RAB23: variants seen among roughly 807,000 people sequenced by gnomAD.
RAB23 encodes RAB23, member RAS oncogene family, also known as ras-related protein Rab-23.
Under a neutral mutation model 30.0 loss-of-function variants are expected in RAB23, and 15 were observed. The ratio of observed to expected loss-of-function variants is 0.50; its 90% CI spans 0.33 to 0.77. RAB23 has a LOEUF of 0.77. Among genes scored for constraint, RAB23 ranks in the 30% least tolerant of loss-of-function variants. The pLI is 0.02. For missense variants in RAB23, 243 were observed against 275.4 expected (o/e 0.88, Z 0.83); for synonymous variants, 93 against 94.0 (o/e 0.99, Z 0.06).
At chr6:57,194,724 G>A in intron 5 of RAB23, 46 bp downstream of exon 5, 1 of 1,360,828 alleles carries the variant, frequency 7.3e-7, no homozygotes, top group East Asian at 2.3e-5. Flanking sequence ...AAAAGCGCAA[G>A]AATAAAATTT....
In RAB23 at chr6:57,196,440, G is replaced by C. The variant is rs897972213; in HGVS notation, c.398+10C>G. On this transcript the variant is annotated intron_variant, in intron 4 of 6. Transcript: ENST00000468148. ...TACTGTCCCTCCTTCCCCAAAAGTA[G>C]CCATCTTACTTCTTTATACAAGAAT... The C allele has an allele frequency of 1.2e-6, 2 of 1,613,662 alleles. No individual in the cohort carries two copies. The highest frequency in any genetic ancestry group is 1.3e-5 in the African/African-American group (1 of 74,904).
chr6:57,208,553 G>A (rs1765529210), intron 2 of RAB23, among the ~76,000 whole-genome samples: 1 of 149,280 alleles, frequency 6.7e-6, no homozygotes, highest in South Asian at 2.1e-4. Context: ...AGGCTGAGAT[G>A]GGAGAATCGC....
At chr6:57,215,574 A>G (rs1562661059) in intron 1 of RAB23, among the ~76,000 whole-genome samples, 1 of 152,358 alleles carries the variant, frequency 6.6e-6, no homozygotes, top group East Asian at 1.9e-4. Context: ...TGAAAAGGAA[A>G]TCAAGGTAAT....
intron 1 of RAB23, among the ~76,000 whole-genome samples, chr6:57,216,783 C>A (rs1765853877): frequency 6.6e-6 from 1 of 152,082 alleles, no homozygotes; most frequent in Non-Finnish European, 1.5e-5. Flanking sequence ...ATTCCCAGAA[C>A]TGAGGGTTCC....
Position 57,187,163 on chromosome 6 carries a change from T to C in RAB23, c.*3298A>G, listed in dbSNP as rs1170431413. 1 of 152,170 alleles carries C rather than the reference T, an allele frequency of 6.6e-6. No homozygotes were observed. Among genetic ancestry groups the C allele is most frequent in the South Asian group, 2.1e-4 (1 of 4,830 alleles). The allele number at this position is 152,170 out of a possible 1,614,324, so 9.4% of individuals were successfully genotyped here. A position where few individuals can be genotyped will look rare whatever the true frequency, so the allele number is the denominator to read the frequency against. On this transcript the variant is annotated 3_prime_UTR_variant, in exon 7 of 7. Transcript: ENST00000468148. The stretch of plus-strand genomic sequence containing the variant: ...GCATTATTTATTAGTAATAAAAATA[T>C]AGAAGGAATTCAGTTTTCCTTTTAT...
rs1005505389 is a variant in RAB23 at position 57,187,430 on chromosome 6, A to C, written c.*3031T>G. ...TGAAAACCTAAGGAGTGACAATAGT[A>C]CATGTGACATTCTTAACAGTTAAAA... is the stretch of plus-strand genomic sequence containing the variant. On this transcript the variant is annotated 3_prime_UTR_variant, in exon 7 of 7. Transcript: ENST00000468148. The C allele has an allele frequency of 6.6e-6, 1 of 152,196 alleles. No homozygotes were observed. The highest frequency in any genetic ancestry group is 2.4e-5 in the African/African-American group (1 of 41,456). 9.4% of individuals were successfully genotyped at this position (152,196 alleles called of 1,614,324 possible).
chr6:57,209,558 A>G (rs1043111885), intron 2 of RAB23, among the ~76,000 whole-genome samples: 7 of 152,360 alleles, frequency 4.6e-5, no homozygotes, highest in South Asian at 4.1e-4. Context: ...TTGGGCCAGT[A>G]ACCAGGTTTG....
chr6:57,194,777 C>T lies in RAB23; in HGVS notation c.474G>A (p.Val158=). 2 of 1,609,982 alleles carry T rather than the reference C, an allele frequency of 1.2e-6. No individual in the cohort carries two copies. Among genetic ancestry groups the T allele is most frequent in the Non-Finnish European group, 8.5e-7 (1 of 1,176,920 alleles). Residue 158 remains valine, a synonymous_variant, in exon 5 of 7, where the codon GTG becomes GTA. Transcript: ENST00000468148. ...YRTSVKEDLN[V]NEVFKYLAEK... ...CCTTTAAAGGTAATTTACCTTCATT[C>T]ACATTTAGATCTTCTTTCACTGATG...
At position 57,221,782 on chromosome 6, in the gene RAB23, G is replaced by T. The variant is rs1766070576; in HGVS notation, c.-122C>A. ...CGCTGCCGCCCACCTTCTCTAGCTG[G>T]AACTTGGGATCGGTGCTCAGGGAGG... On this transcript the variant is annotated 5_prime_UTR_variant, in exon 1 of 7. Coordinates refer to ENST00000468148, the MANE Select transcript of RAB23 (RefSeq NM_016277.5). 1 of 152,382 alleles carries T rather than the reference G, an allele frequency of 6.6e-6. No individual in the cohort carries two copies. Among genetic ancestry groups the T allele is most frequent in the South Asian group, 2.1e-4 (1 of 4,828 alleles). 9.4% of individuals were successfully genotyped at this position (152,382 alleles called of 1,614,324 possible).
Position 57,188,750 on chromosome 6 carries a change from G to A in RAB23, c.*1711C>T, listed in dbSNP as rs1764713421. On this transcript the variant is annotated 3_prime_UTR_variant, in exon 7 of 7. Coordinates refer to ENST00000468148, the MANE Select transcript of RAB23 (RefSeq NM_016277.5). ...TTTACATTACTGTGAAATAGATAAT[G>A]CCAGATCATTTCAATATAATGAAAA... 6.6e-6 allele frequency: 1 copy of A among 152,114 alleles called. No homozygotes were observed. The highest frequency in any genetic ancestry group is 1.5e-5 in the Non-Finnish European group (1 of 68,012). 9.4% of individuals were successfully genotyped at this position (152,114 alleles called of 1,614,324 possible).
At chr6:57,216,811 A>G (rs1354655338) in intron 1 of RAB23, among the ~76,000 whole-genome samples, 1 of 151,356 alleles carries the variant, frequency 6.6e-6, no homozygotes, top group African/African-American at 2.4e-5. Context: ...TTCAGATGAT[A>G]TAAGGTAACT....
intron 4 of RAB23, among the ~76,000 whole-genome samples, chr6:57,195,960 AATAAT>A (rs1238998803): frequency 6.6e-6 from 1 of 152,266 alleles, no homozygotes; most frequent in Non-Finnish European, 1.5e-5. Context: ...AACTGGCAAA[AATAAT>A]AATACAATAA....
chr6:57,218,854 CAAA>C (rs752945184), intron 1 of RAB23, among the ~76,000 whole-genome samples: 5 of 89,710 alleles, frequency 5.6e-5, no homozygotes, highest in Admixed American at 1.2e-4. Context: ...ATTCTGTCTC[CAAA>C]AAAAAAAAAA....
intron 4 of RAB23, among the ~76,000 whole-genome samples, chr6:57,195,888 G>T (rs1469018737): frequency 1.3e-5 from 2 of 152,080 alleles, no homozygotes; most frequent in Non-Finnish European, 2.9e-5. Context: ...TTGTTACATA[G>T]CAACAGATAA....
At chr6:57,218,415 A>G (rs1022241884) in intron 1 of RAB23, among the ~76,000 whole-genome samples, 15 of 152,242 alleles carry the variant, frequency 9.9e-5, no homozygotes, top group African/African-American at 3.6e-4. Flanking sequence ...AAAACAATCA[A>G]TGTAATCCAC....
intron 6 of RAB23, among the ~76,000 whole-genome samples, chr6:57,193,401 T>C (rs560772127): frequency 6.6e-6 from 1 of 152,196 alleles, no homozygotes; most frequent in African/African-American, 2.4e-5. Context: ...GAGAGACATC[T>C]GGTCAGGCAG....
chr6:57,204,640 A>C (rs536096106), intron 3 of RAB23, among the ~76,000 whole-genome samples: 37 of 152,302 alleles, frequency 2.4e-4, no homozygotes, highest in African/African-American at 7.9e-4. Context: ...GTAGATTTAA[A>C]AGCAGAAAAC....
chr6:57,190,533 G>A lies in RAB23; in HGVS notation c.642C>T (p.Val214=), dbSNP rs1593204004. ...QNSGTLNGGD[V]INLRPNKQRT... is the part of the protein sequence containing the mutation. ...TTTGTTTGTTGGGTCTAAGATTGATGACATCTCCACCATTGAGGGTACCTG... is the reference window on the plus strand; with the variant it reads ...TTTGTTTGTTGGGTCTAAGATTGATAACATCTCCACCATTGAGGGTACCTG... The change falls in exon 7 of 7, where the codon GTC becomes GTT. Residue 214 remains valine, a synonymous_variant. Transcript: ENST00000468148. 1.2e-6 allele frequency: 2 copies of A among 1,613,832 alleles called. No individual in the cohort carries two copies. The highest frequency in any genetic ancestry group is 4.5e-5 in the East Asian group (2 of 44,868).
chr6:57,206,002 G>C (rs887286644), intron 3 of RAB23, among the ~76,000 whole-genome samples: 5 of 152,222 alleles, frequency 3.3e-5, no homozygotes, highest in African/African-American at 1.2e-4. Flanking sequence ...AAAACACTGA[G>C]AGTGCCTGGC....
Sources: allele counts gnomAD v4.1 joint callset (sites outside exome capture counted in the v4.1 genomes callset), GRCh38; gene constraint gnomAD v4.1.1; transcripts MANE v1.5; gene names NCBI Gene and HGNC (gene_info 2026-07-23, HGNC 2026-07-21).